The following ASAP2 variants were observed in gnomAD, a reference collection of about 807,000 sequenced individuals.
The protein encoded by ASAP2 is ArfGAP with SH3 domain, ankyrin repeat and PH domain 2, also known as arf-GAP with SH3 domain, ANK repeat and PH domain-containing protein 2.
A neutral mutation model predicts 131.4 loss-of-function variants in ASAP2; 45 were observed. The observed-to-expected ratio is 0.34, with a 90% confidence interval of 0.27 to 0.44. The LOEUF (loss-of-function observed/expected upper bound fraction) is 0.44, where lower values mean the gene tolerates loss of function less well. Ranked by LOEUF, ASAP2 falls within the 20% of genes least tolerant of loss-of-function variation. ASAP2 has a pLI of 1.00. For missense variants in ASAP2, 1,011 were observed against 1,297.0 expected, an observed-to-expected ratio of 0.78 and a Z score of 3.39; for synonymous variants, 510 against 503.0, an observed-to-expected ratio of 1.01 and a Z score of -0.19.
intron 5 of ASAP2, among the ~76,000 whole-genome samples, chr2:9,321,346 C>T (rs1486901856): frequency 1.3e-5 from 2 of 152,086 alleles, no homozygotes; most frequent in African/African-American, 2.4e-5. Flanking sequence ...TGCTTGGCCC[C>T]GAGTTCTGGA....
At chr2:9,306,441 C>T (rs1668946935) in intron 3 of ASAP2, among the ~76,000 whole-genome samples, 1 of 151,762 alleles carries the variant, frequency 6.6e-6, no homozygotes, top group South Asian at 2.1e-4. Context: ...GCGGCTGCTG[C>T]AGGTGGAGGC....
chr2:9,382,858 A>T (rs1032896877), intron 20 of ASAP2, among the ~76,000 whole-genome samples: 2 of 152,244 alleles, frequency 1.3e-5, no homozygotes, highest in African/African-American at 4.8e-5. Context: ...CCTGCTGCAT[A>T]GATTAAACCC....
chr2:9,368,494 G>T lies in ASAP2; in HGVS notation c.1531G>T (p.Val511Phe). Residue 511 changes from valine to phenylalanine, a missense_variant, in exon 16 of 28, where the codon GTC (valine) becomes TTC (phenylalanine). By Grantham distance (50) the Val-to-Phe change is conservative. Around this residue, in one of 2 missense-constraint regions of ASAP2, gnomAD observed 652 missense variants for 698.9 expected, o/e 0.93. Coordinates refer to ENST00000281419, the MANE Select transcript of ASAP2 (RefSeq NM_003887.3). ...MECCLPAEDS[V>F]KPNPGSDMNA... ...ATGTTGCCTACCAGCTGAGGACTCAGTCAAACCCAACCCAGGCAGCGACAT... is the reference window on the plus strand; with the variant it reads ...ATGTTGCCTACCAGCTGAGGACTCATTCAAACCCAACCCAGGCAGCGACAT... The T allele has an allele frequency of 6.2e-7, 1 of 1,614,204 alleles. No individual in the cohort carries two copies.
At chr2:9,293,175 C>T (rs990636303) in intron 2 of ASAP2, among the ~76,000 whole-genome samples, 2 of 152,214 alleles carry the variant, frequency 1.3e-5, no homozygotes, top group African/African-American at 4.8e-5. Context: ...TGTACACATG[C>T]ATGCTGGCTT....
At chr2:9,329,614 G>T (rs559990557) in intron 7 of ASAP2, among the ~76,000 whole-genome samples, 1 of 152,314 alleles carries the variant, frequency 6.6e-6, no homozygotes, top group Admixed American at 6.5e-5. Context: ...GTGGATGTGG[G>T]CAATTGCTTG....
chr2:9,290,417 C>G (rs1025184917), intron 2 of ASAP2, among the ~76,000 whole-genome samples: 1 of 152,000 alleles, frequency 6.6e-6, no homozygotes, highest in African/African-American at 2.4e-5. Flanking sequence ...GCCCTGTTGG[C>G]CAGGCTGGTC....
At chr2:9,238,430 G>A (rs148108109) in intron 1 of ASAP2, among the ~76,000 whole-genome samples, 15 of 152,276 alleles carry the variant, frequency 9.9e-5, no homozygotes, top group South Asian at 4.1e-4. Flanking sequence ...AGCCACATCC[G>A]CTTGAAAAAG....
intron 1 of ASAP2, among the ~76,000 whole-genome samples, chr2:9,238,685 G>T (rs977230329): frequency 1.3e-5 from 2 of 151,214 alleles, no homozygotes; most frequent in African/African-American, 4.9e-5. Flanking sequence ...TTTTTGGCCA[G>T]TTTTTTTTTG....
intron 24 of ASAP2, among the ~76,000 whole-genome samples, chr2:9,398,520 C>T (rs1234672114): frequency 6.6e-6 from 1 of 151,262 alleles, no homozygotes; most frequent in Admixed American, 6.6e-5. Flanking sequence ...AAAAAACAAA[C>T]ACAAAGGCCA....
Position 9,207,200 on chromosome 2 carries a change from G to C in ASAP2, c.96G>C (p.Gln32His). 6.2e-7 allele frequency: 1 copy of C among 1,601,464 alleles called. No homozygotes were observed. Among genetic ancestry groups the C allele is most frequent in the Non-Finnish European group, 8.5e-7 (1 of 1,175,064 alleles). Residue 32 changes from glutamine to histidine, a missense_variant, in exon 1 of 28, where the codon CAG (glutamine) becomes CAC (histidine). By Grantham distance (24) the Gln-to-His change is conservative. Transcript: ENST00000281419. The surrounding 1 kb of genome is among the most constrained non-coding windows in gnomAD (Gnocchi z 4.1). ...CCAGCTTCACCACCCGCACGGCGCAGTGCCGGAACACTGTGGCGGCCATCG... is the reference window on the plus strand; with the variant it reads ...CCAGCTTCACCACCCGCACGGCGCACTGCCGGAACACTGTGGCGGCCATCG... ...TASSFTTRTA[Q>H]CRNTVAAIEE...
intron 11 of ASAP2, among the ~76,000 whole-genome samples, chr2:9,347,020 CT>C (rs1419175024): frequency 1.3e-5 from 2 of 152,174 alleles, no homozygotes; most frequent in East Asian, 3.9e-4. Flanking sequence ...TTAATAGGTG[CT>C]TTGTGTTTGG....
intron 2 of ASAP2, among the ~76,000 whole-genome samples, chr2:9,290,982 C>T (rs952972562): frequency 2.0e-5 from 3 of 152,188 alleles, no homozygotes; most frequent in Non-Finnish European, 2.9e-5. Flanking sequence ...TCTTTTCAAC[C>T]TCCTCTCTAC....
At chr2:9,310,047 T>C (rs770116287) in intron 3 of ASAP2, among the ~76,000 whole-genome samples, 14 of 152,222 alleles carry the variant, frequency 9.2e-5, no homozygotes, top group Non-Finnish European at 2.1e-4. Flanking sequence ...CAGCCTCTGC[T>C]AAGAATGCTC....
intron 1 of ASAP2, among the ~76,000 whole-genome samples, chr2:9,275,164 T>A (rs1666679616): frequency 6.6e-6 from 1 of 150,558 alleles, no homozygotes; most frequent in Non-Finnish European, 1.5e-5. Context: ...CGCTGCAGCC[T>A]CCAACTTCTG....
intron 1 of ASAP2, among the ~76,000 whole-genome samples, chr2:9,229,148 A>AG (rs1371173467): frequency 1.3e-5 from 2 of 151,832 alleles, no homozygotes; most frequent in Non-Finnish European, 2.9e-5. Flanking sequence ...ACAGATGTGG[A>AG]GCCCCCCCCG....
intron 9 of ASAP2, among the ~76,000 whole-genome samples, chr2:9,342,073 A>C (rs1671621541): frequency 6.9e-6 from 1 of 143,996 alleles, no homozygotes; most frequent in Admixed American, 6.8e-5. Context: ...CTTATTGTGA[A>C]GATAACAGTA....
At chr2:9,212,672 C>T (rs891763879) in intron 1 of ASAP2, among the ~76,000 whole-genome samples, 10 of 152,150 alleles carry the variant, frequency 6.6e-5, no homozygotes, top group African/African-American at 2.2e-4. Flanking sequence ...ATTCCAGGCC[C>T]GCACTGTCTG....
At chr2:9,369,969 G>GTAGC (rs1358379531) in intron 16 of ASAP2, among the ~76,000 whole-genome samples, 2 of 152,290 alleles carry the variant, frequency 1.3e-5, no homozygotes, top group East Asian at 3.9e-4. Flanking sequence ...AGCCTCCTGA[G>GTAGC]TAGCTGGGAC....
chr2:9,291,982 G>C (rs1667843731), intron 2 of ASAP2, among the ~76,000 whole-genome samples: 1 of 152,098 alleles, frequency 6.6e-6, no homozygotes, highest in African/African-American at 2.4e-5. Flanking sequence ...GGTTTTTGCT[G>C]TGGGAGGAAG....
Sources: gnomAD v4.1 joint callset for allele counts (sites outside exome capture counted in the v4.1 genomes callset) on GRCh38, gnomAD v4.1.1 for gene constraint, gnomAD v4.1.1 regional missense constraint, Gnocchi (gnomAD v3.1) non-coding constraint, MANE v1.5 for transcripts, NCBI Gene and HGNC (gene_info 2026-07-23, HGNC 2026-07-21) for gene names.